Variants in CMC2 observed in about 807,000 individuals in gnomAD.
CMC2 encodes COX assembly mitochondrial protein 2 homolog.
Under a neutral mutation model 7.5 loss-of-function variants are expected in CMC2, and 5 were observed. The ratio of observed to expected loss-of-function variants is 0.66; its 90% confidence interval spans 0.35 to 1.40. The LOEUF (loss-of-function observed/expected upper bound fraction) is 1.40, where lower values mean the gene tolerates loss of function less well. CMC2 is among the 40% of genes most tolerant of loss of function. CMC2 has a pLI of 0.04. For missense variants in CMC2, 115 were observed against 92.3 expected (o/e 1.25, Z -1.01); for synonymous variants, 37 against 31.4 (o/e 1.18, Z -0.60).
chr16:80,983,240 G>C (rs988891580), intron 2 of CMC2: 1 of 152,184 alleles, frequency 6.6e-6, no homozygotes, highest in African/African-American at 2.4e-5. Context: ...AAGTTTTTGG[G>C]GAGTCAAAAA....
chr16:80,986,158 G>A (rs893904312), intron 2 of CMC2, among the ~76,000 whole-genome samples: 3 of 152,116 alleles, frequency 2.0e-5, no homozygotes, highest in Non-Finnish European at 4.4e-5. Context: ...GGCCAGCCTG[G>A]GCTAACATGG....
chr16:80,992,705 C>CTTTTTTTTT (rs71390989), intron 2 of CMC2, among the ~76,000 whole-genome samples: 2 of 92,518 alleles, frequency 2.2e-5, no homozygotes, highest in Admixed American at 1.3e-4. Flanking sequence ...ATTCCCCCTC[C>CTTTTTTTTT]TTTTTTTTTT....
Position 80,973,725 on chromosome 16 carries a change from C to G in CMC2, c.*2368G>C, listed in dbSNP as rs1311706304. 2 of 152,226 alleles carry G rather than the reference C, an allele frequency of 1.3e-5. No homozygotes were observed. The highest frequency in any genetic ancestry group is 2.9e-5 in the Non-Finnish European group (2 of 68,100). 9.4% of individuals were successfully genotyped at this position (152,226 alleles called of 1,614,324 possible). ...TGCTCACTGTGCTCCAGTTCACTAG[C>G]ATTTTATTTGTCAAACTCCCTTCCT... On this transcript the variant is annotated 3_prime_UTR_variant, in exon 4 of 4. Transcript: ENST00000219400.
chr16:81,004,581 A>T lies in CMC2; in HGVS notation c.-36+2153T>A, dbSNP rs142595715. On this transcript the variant is annotated intron_variant, in intron 1 of 3. Coordinates refer to ENST00000219400, the MANE Select transcript of CMC2 (RefSeq NM_020188.5). ...TGTATGCACACAATGATACCAAAACAGTCCACTGAAATTCCTTAAAATTTT... is the reference window on the plus strand; with the variant it reads ...TGTATGCACACAATGATACCAAAACTGTCCACTGAAATTCCTTAAAATTTT... Among the ~76,000 whole-genome samples the T allele has an allele frequency of 6.6e-5, 10 of 152,338 alleles. No homozygotes were observed. In the East Asian group the frequency reaches 1.9e-3, roughly 29 times the overall value.
In CMC2 at chr16:80,971,181, G is replaced by T. The variant is rs999329340; in HGVS notation, c.*4912C>A. The T allele has an allele frequency of 6.6e-6, 1 of 152,028 alleles. No homozygotes were observed. Among genetic ancestry groups the T allele is most frequent in the African/African-American group, 2.4e-5 (1 of 41,378 alleles). 9.4% of individuals were successfully genotyped at this position (152,028 alleles called of 1,614,324 possible). ...AAATCATAAAATCTTAAAAACATTTGGGGTGTAATTTAGCAACTTCTAGTA... is the reference window on the plus strand; with the variant it reads ...AAATCATAAAATCTTAAAAACATTTTGGGTGTAATTTAGCAACTTCTAGTA... On this transcript the variant is annotated 3_prime_UTR_variant, in exon 4 of 4. Transcript: ENST00000219400.
intron 1 of CMC2, among the ~76,000 whole-genome samples, chr16:81,004,338 GTTA>G (rs1432481809): frequency 3.3e-5 from 5 of 152,212 alleles, no homozygotes; most frequent in African/African-American, 1.2e-4. Context: ...CATTCAAACT[GTTA>G]TTATTTGAAT....
Position 80,993,737 on chromosome 16 carries a change from A to C in CMC2, c.81+3577T>G, listed in dbSNP as rs546492514. Reference sequence around the variant, plus strand: ...TGCCAGCTATGCCCTAAAAATATGTAAAAACACGAACTGCCTGCTGATACA... The same window carrying C: ...TGCCAGCTATGCCCTAAAAATATGTCAAAACACGAACTGCCTGCTGATACA... On this transcript the variant is annotated intron_variant, in intron 2 of 3. Coordinates refer to ENST00000219400, the MANE Select transcript of CMC2 (RefSeq NM_020188.5). Among the ~76,000 whole-genome samples, 3 of 152,322 alleles carry C rather than the reference A, an allele frequency of 2.0e-5. No homozygotes were observed. The East Asian group carries it at 5.8e-4, about 29-fold the overall frequency.
intron 2 of CMC2, among the ~76,000 whole-genome samples, chr16:80,992,532 TG>T (rs2151637626): frequency 6.6e-6 from 1 of 152,328 alleles, no homozygotes; most frequent in Admixed American, 6.5e-5. Context: ...CTGTTTAATT[TG>T]GCCCCCCTGC....
At chr16:81,006,538 A>T in intron 1 of CMC2, 196 bp downstream of exon 1, 1 of 213,626 alleles carries the variant, frequency 4.7e-6, no homozygotes, top group Non-Finnish European at 8.0e-6. Flanking sequence ...AGCGTGTTCC[A>T]GCGAGCGCCC....
At chr16:80,981,089 A>G (rs1967078704) in intron 3 of CMC2, among the ~76,000 whole-genome samples, 1 of 152,024 alleles carries the variant, frequency 6.6e-6, no homozygotes, top group African/African-American at 2.4e-5. Flanking sequence ...CAAAAAAAAA[A>G]AAAAGTTCAA....
At chr16:80,981,504 A>C (rs1359538620) in intron 3 of CMC2, among the ~76,000 whole-genome samples, 1 of 152,210 alleles carries the variant, frequency 6.6e-6, no homozygotes, top group Non-Finnish European at 1.5e-5. Flanking sequence ...TGACTGATAT[A>C]AGTCTTTCTG....
chr16:80,972,182 T>A lies in CMC2; in HGVS notation c.*3911A>T, dbSNP rs956685464. The A allele has an allele frequency of 3.3e-5, 5 of 152,280 alleles. No individual in the cohort carries two copies. Among genetic ancestry groups the A allele is most frequent in the African/African-American group, 1.2e-4 (5 of 41,470 alleles). 9.4% of individuals were successfully genotyped at this position (152,280 alleles called of 1,614,324 possible). ...TTTCCCTTCACCACTTTCTGCTATG[T>A]ACTTATCTCCTTCAGTGACCTCTCT... On this transcript the variant is annotated 3_prime_UTR_variant, in exon 4 of 4. Transcript: ENST00000219400.
At chr16:80,992,240 C>G (rs1013241387) in intron 2 of CMC2, among the ~76,000 whole-genome samples, 1 of 152,126 alleles carries the variant, frequency 6.6e-6, no homozygotes, top group African/African-American at 2.4e-5. Context: ...TGTGGATGCA[C>G]CATAGGTCGT....
chr16:80,980,973 ATT>A (rs2151619477), intron 3 of CMC2: 1 of 474,156 alleles, frequency 2.1e-6, no homozygotes, highest in Non-Finnish European at 3.8e-6. Context: ...GAATGTCACA[ATT>A]TAAAGGGAAT....
In CMC2 at chr16:80,969,178, A is replaced by T. The variant is rs1911752527; in HGVS notation, c.*6915T>A. On this transcript the variant is annotated 3_prime_UTR_variant, in exon 4 of 4. Transcript: ENST00000219400. ...TGATATAAAAAGGGCAGGAGGAGAG[A>T]CAGTATTTACAACAAAATTAGGTTA... 6.6e-6 allele frequency: 1 copy of T among 152,230 alleles called. No homozygotes were observed. Among genetic ancestry groups the T allele is most frequent in the Admixed American group, 6.5e-5 (1 of 15,292 alleles). 9.4% of individuals were successfully genotyped at this position (152,230 alleles called of 1,614,324 possible).
Position 80,974,710 on chromosome 16 carries a change from A to C in CMC2, c.*1383T>G, listed in dbSNP as rs531326197. On this transcript the variant is annotated 3_prime_UTR_variant, in exon 4 of 4. Coordinates refer to ENST00000219400, the MANE Select transcript of CMC2 (RefSeq NM_020188.5). ...TGATGATTACAGGTGACTAAAAGTC[A>C]ACTTTTCAGTTAACTACAAGATTCT... is the stretch of plus-strand genomic sequence containing the variant. The C allele has an allele frequency of 6.6e-6, 1 of 152,368 alleles. No homozygotes were observed. Among genetic ancestry groups the C allele is most frequent in the East Asian group, 1.9e-4 (1 of 5,188 alleles). 9.4% of individuals were successfully genotyped at this position (152,368 alleles called of 1,614,324 possible).
chr16:80,991,831 T>G (rs1484553353), intron 2 of CMC2: 1 of 415,402 alleles, frequency 2.4e-6, no homozygotes, highest in African/African-American at 2.1e-5. Context: ...CAGAGGAGCA[T>G]TCTACCAAAT....
chr16:80,990,146 G>A (rs1002760266), intron 2 of CMC2, among the ~76,000 whole-genome samples: 2 of 150,848 alleles, frequency 1.3e-5, no homozygotes, highest in Non-Finnish European at 2.9e-5. Flanking sequence ...AGTTCAAACA[G>A]CATGAATTAT....
intron 1 of CMC2, among the ~76,000 whole-genome samples, chr16:81,003,581 G>A (rs1315436123): frequency 1.3e-5 from 2 of 152,174 alleles, no homozygotes; most frequent in Non-Finnish European, 2.9e-5. Flanking sequence ...AACCATGACA[G>A]ATTTTTAATC....
Sources: gnomAD v4.1 joint callset for allele counts (sites outside exome capture counted in the v4.1 genomes callset) on GRCh38, gnomAD v4.1.1 for gene constraint, MANE v1.5 for transcripts, NCBI Gene and HGNC (gene_info 2026-07-23, HGNC 2026-07-21) for gene names.